COL11A2: variants seen among roughly 807,000 people sequenced by gnomAD.
COL11A2 encodes the protein collagen alpha-2(XI) chain.
Under a neutral mutation model 273.4 loss-of-function variants are expected in COL11A2, and 116 were observed. That is an observed-to-expected ratio of 0.42 (90% CI 0.36 to 0.49). The LOEUF (loss-of-function observed/expected upper bound fraction) is 0.49. COL11A2 is among the 20% of genes least tolerant of loss of function. The pLI is 0.00. For missense variants in COL11A2, 1,866 were observed against 2,309.0 expected, an observed-to-expected ratio of 0.81 and a Z score of 3.93; for synonymous variants, 782 against 864.2, an observed-to-expected ratio of 0.90 and a Z score of 1.67.
Position 33,170,980 on chromosome 6 carries a change from TA to T in COL11A2, c.3367-64del. On this transcript the variant is annotated intron_variant, in intron 45 of 65. Transcript: ENST00000341947. The surrounding 1 kb of genome is among the most constrained non-coding windows in gnomAD (Gnocchi z 4.3). ...GATGGGTCATGGGTCAGGTGTTCTC[TA>T]TCCACAAATACCACACACAGCTGGG... 1 of 1,587,622 alleles carries T rather than the reference TA, an allele frequency of 6.3e-7. No individual in the cohort carries two copies. The highest frequency in any genetic ancestry group is 8.6e-7 in the Non-Finnish European group (1 of 1,157,712).
chr6:33,165,024 T>C lies in COL11A2; in HGVS notation c.4751-60A>G. On this transcript the variant is annotated intron_variant, in intron 63 of 65. Transcript: ENST00000341947. This position sits in a 1 kb window ranked among gnomAD's most constrained non-coding sequence, Gnocchi z 7.7. ...CTAGGTCCAGGCTCCAAGATGCTCT[T>C]TGCCCCCACATTCCCTCTTCCCTCC... 1 of 1,316,258 alleles carries C rather than the reference T, an allele frequency of 7.6e-7. No individual in the cohort carries two copies. The highest frequency in any genetic ancestry group is 2.5e-5 in the East Asian group (1 of 39,684). 81.5% of individuals were successfully genotyped at this position (1,316,258 alleles called of 1,614,324 possible).
At chr6:33,182,625 C>T (rs1252764294) in intron 8 of COL11A2, among the ~76,000 whole-genome samples, 2 of 151,114 alleles carry the variant, frequency 1.3e-5, no homozygotes, top group Non-Finnish European at 3.0e-5. Context: ...GCAGGAGGAT[C>T]GCTTGAACCC....
In COL11A2 at chr6:33,164,215, C is replaced by T. The variant is rs972795208; in HGVS notation, c.5070+52G>A. 9.4e-6 allele frequency: 15 copies of T among 1,601,948 alleles called. No homozygotes were observed. Among genetic ancestry groups the T allele is most frequent in the Admixed American group, 1.7e-5 (1 of 59,342 alleles). On this transcript the variant is annotated intron_variant, in intron 65 of 65. Coordinates refer to ENST00000341947, the MANE Select transcript of COL11A2 (RefSeq NM_080680.3). The surrounding 1 kb of genome is among the most constrained non-coding windows in gnomAD (Gnocchi z 4.7). ...GCCCAAGGGGTCTTCCCACCTCCTTCCTCCAGCCTGAGTCTGAGATCAGCC... is the reference window on the plus strand; with the variant it reads ...GCCCAAGGGGTCTTCCCACCTCCTTTCTCCAGCCTGAGTCTGAGATCAGCC...
rs1163896756 is a variant in COL11A2, at chr6:33,176,911, G to A, written c.2070+81C>T. 6 of 1,535,576 alleles carry A rather than the reference G, an allele frequency of 3.9e-6. No homozygotes were observed. Among genetic ancestry groups the A allele is most frequent in the Non-Finnish European group, 5.3e-6 (6 of 1,123,748 alleles). On this transcript the variant is annotated intron_variant, in intron 25 of 65. Coordinates refer to ENST00000341947, the MANE Select transcript of COL11A2 (RefSeq NM_080680.3). The surrounding 1 kb of genome is among the most constrained non-coding windows in gnomAD (Gnocchi z 4.9). Reference sequence around the variant, plus strand: ...CACCACCAGTGACCTTTCAGTGCAAGGGTCACTAAAGGAGCTCTGAGGTCA... The same window carrying A: ...CACCACCAGTGACCTTTCAGTGCAAAGGTCACTAAAGGAGCTCTGAGGTCA...
Position 33,165,636 on chromosome 6 carries a change from C to T in COL11A2, c.4663G>A (p.Glu1555Lys), listed in dbSNP as rs772829153. 9 of 1,613,062 alleles carry T rather than the reference C, an allele frequency of 5.6e-6. No individual in the cohort carries two copies. Among genetic ancestry groups the T allele is most frequent in the Non-Finnish European group, 6.8e-6 (8 of 1,180,000 alleles). Residue 1555 changes from glutamate to lysine, a missense_variant, in exon 63 of 66, where the codon GAG becomes AAG. Physicochemically the swap from Glu to Lys is moderately conservative, Grantham distance 56. Coordinates refer to ENST00000341947, the MANE Select transcript of COL11A2 (RefSeq NM_080680.3). The surrounding 1 kb of genome is among the most constrained non-coding windows in gnomAD (Gnocchi z 7.7). ...GSLDSLREEIEQMRRPTGTQD... is the reference protein window; with the variant it reads ...GSLDSLREEIKQMRRPTGTQD... ...GTCCCTGTTGGCCGCCTCATCTGCT[C>T]GATCTCCTCCCGCAGGGAGTCGAGT...
chr6:33,174,580 C>T lies in COL11A2; in HGVS notation c.2377G>A (p.Gly793Ser). ...PGPPGLMGEK[G>S]KLGVPGLPGY... ...GGCAGACCAGGAACACCCAGCTTGC[C>T]CTGTGGAGGGACAGGAAGCAGTTAG... Residue 793 changes from glycine (G) to serine (S), a missense_variant and splice_region_variant, in exon 31 of 66, where the codon GGC (glycine) becomes AGC (serine). By Grantham distance (56) the Gly-to-Ser change is moderately conservative. Coordinates refer to ENST00000341947, the MANE Select transcript of COL11A2 (RefSeq NM_080680.3). The T allele has an allele frequency of 1.9e-6, 3 of 1,612,128 alleles. No homozygotes were observed. Among genetic ancestry groups the T allele is most frequent in the South Asian group, 1.1e-5 (1 of 90,946 alleles).
chr6:33,179,676 GC>G lies in COL11A2; in HGVS notation c.1446+42del. 3 of 1,602,300 alleles carry G rather than the reference GC, an allele frequency of 1.9e-6. No homozygotes were observed. Reference sequence around the variant, plus strand: ...ACTCACTCCAGCCAACCCTTCCAGTGCCCCCCAGAGCCTTCCCTTTCCAGGG... The same window carrying G: ...ACTCACTCCAGCCAACCCTTCCAGTGCCCCCAGAGCCTTCCCTTTCCAGGG... On this transcript the variant is annotated intron_variant, in intron 13 of 65. Coordinates refer to ENST00000341947, the MANE Select transcript of COL11A2 (RefSeq NM_080680.3). This position sits in a 1 kb window ranked among gnomAD's most constrained non-coding sequence, Gnocchi z 6.4.
In COL11A2 at chr6:33,166,141, C is replaced by G; in HGVS notation, c.4428+30G>C. Reference sequence around the variant, plus strand: ...ATCATCAAGTCCAGAGGGGGTGGAGCAAAGGTCAGAGCTGAAGGGGGTCAC... The same window carrying G: ...ATCATCAAGTCCAGAGGGGGTGGAGGAAAGGTCAGAGCTGAAGGGGGTCAC... On this transcript the variant is annotated intron_variant, in intron 61 of 65. Coordinates refer to ENST00000341947, the MANE Select transcript of COL11A2 (RefSeq NM_080680.3). This position sits in a 1 kb window ranked among gnomAD's most constrained non-coding sequence, Gnocchi z 4.8. The G allele has an allele frequency of 6.2e-7, 1 of 1,608,094 alleles. No individual in the cohort carries two copies. The highest frequency in any genetic ancestry group is 1.3e-5 in the African/African-American group (1 of 74,952).
At chr6:33,186,589 G>A (rs200989046) in intron 5 of COL11A2, 38 bp downstream of exon 5, 1 of 1,614,020 alleles carries the variant, frequency 6.2e-7, no homozygotes, top group Non-Finnish European at 8.5e-7. Flanking sequence ...TCCCTCTCTG[G>A]GGTGTGCTGC....
chr6:33,164,351 A>T lies in COL11A2; in HGVS notation c.4986T>A (p.Gly1662=). Residue 1662 remains glycine (G), a synonymous_variant, in exon 65 of 66, where the codon GGT becomes GGA. Transcript: ENST00000341947. The surrounding 1 kb of genome is among the most constrained non-coding windows in gnomAD (Gnocchi z 4.7). ...SYPCSGAARD[G]PLRLRGANED... ...CATTGGCCCCACGGAGTCTCAGGGG[A>T]CCGTCACGGGCTGCTCCAGAGCAGG... is the stretch of plus-strand genomic sequence containing the variant. 1 of 1,612,776 alleles carries T rather than the reference A, an allele frequency of 6.2e-7. No homozygotes were observed. The highest frequency in any genetic ancestry group is 8.5e-7 in the Non-Finnish European group (1 of 1,179,928).
intron 41 of COL11A2, 111 bp downstream of exon 41, chr6:33,171,939 C>A: frequency 6.5e-7 from 1 of 1,534,358 alleles, no homozygotes; most frequent in Non-Finnish European, 9.0e-7. Flanking sequence ...TGTCCCTGGA[C>A]AGCCTCTGCC....
Position 33,177,119 on chromosome 6 carries a change from T to A in COL11A2, c.2016+62A>T. ...ACACAGACAAAATCCCAGCAGACATTTAGGGTTCTCCCTACATCCCCACTC... is the reference window on the plus strand; with the variant it reads ...ACACAGACAAAATCCCAGCAGACATATAGGGTTCTCCCTACATCCCCACTC... On this transcript the variant is annotated intron_variant, in intron 24 of 65. Coordinates refer to ENST00000341947, the MANE Select transcript of COL11A2 (RefSeq NM_080680.3). The surrounding 1 kb of genome is among the most constrained non-coding windows in gnomAD (Gnocchi z 5.9). 1.2e-6 allele frequency: 2 copies of A among 1,612,330 alleles called. No homozygotes were observed. Among genetic ancestry groups the A allele is most frequent in the Non-Finnish European group, 1.7e-6 (2 of 1,179,582 alleles).
At chr6:33,172,208 AG>A in intron 40 of COL11A2, 80 bp downstream of exon 40, 3 of 1,266,464 alleles carry the variant, frequency 2.4e-6, no homozygotes, top group East Asian at 2.5e-5. Flanking sequence ...AGTGACATGG[AG>A]GGGGTCAGGG....
chr6:33,179,391 CAATT>C lies in COL11A2; in HGVS notation c.1503+36_1503+39del. The C allele has an allele frequency of 6.4e-7, 1 of 1,567,620 alleles. No homozygotes were observed. Among genetic ancestry groups the C allele is most frequent in the Non-Finnish European group, 8.6e-7 (1 of 1,156,374 alleles). ...TCCAGAACTATCCACACCCCACACA[CAATT>C]AAAGCATCCTCCACCCGAGCACCCT... On this transcript the variant is annotated intron_variant, in intron 14 of 65. Transcript: ENST00000341947. This position sits in a 1 kb window ranked among gnomAD's most constrained non-coding sequence, Gnocchi z 6.4.
In COL11A2 at chr6:33,181,089, C is replaced by T. The variant is rs372240259; in HGVS notation, c.1179+22G>A. On this transcript the variant is annotated intron_variant, in intron 9 of 65. Transcript: ENST00000341947. The stretch of plus-strand genomic sequence containing the variant: ...GCTTCTCCTATTTCCACTGCCTCAG[C>T]CCTGTGACCAGCATAACTTACAGGT... 249 of 1,614,032 alleles carry T rather than the reference C, an allele frequency of 1.5e-4. 1 individual carries two copies. Among genetic ancestry groups the T allele is most frequent in the Non-Finnish European group, 1.9e-4 (223 of 1,180,014 alleles).
At position 33,173,710 on chromosome 6, in the gene COL11A2, A is replaced by AG; in HGVS notation, c.2618dup (p.Gly874TrpfsTer95). On this transcript the variant is annotated frameshift_variant, in exon 35 of 66. Coordinates refer to ENST00000341947, the MANE Select transcript of COL11A2 (RefSeq NM_080680.3). LOFTEE classifies it high-confidence loss of function. The surrounding 1 kb of genome is among the most constrained non-coding windows in gnomAD (Gnocchi z 6.3). ...TTCGATCCACACTCACCCTCTCTCC[A>AG]GGGGGCCCATGGGGGCCATCACCAC... The AG allele has an allele frequency of 6.4e-7, 1 of 1,574,124 alleles. No individual in the cohort carries two copies. The highest frequency in any genetic ancestry group is 8.6e-7 in the Non-Finnish European group (1 of 1,158,792).
Position 33,180,944 on chromosome 6 carries a change from C to G in COL11A2, c.1221+20G>C, listed in dbSNP as rs774011538. On this transcript the variant is annotated intron_variant, in intron 10 of 65. Coordinates refer to ENST00000341947, the MANE Select transcript of COL11A2 (RefSeq NM_080680.3). Reference sequence around the variant, plus strand: ...GGGTTTCTAAGAAAAGAATGGCCACCAGGTCACTGCTAGACTTACCGCAGG... The same window carrying G: ...GGGTTTCTAAGAAAAGAATGGCCACGAGGTCACTGCTAGACTTACCGCAGG... 8.7e-6 allele frequency: 14 copies of G among 1,613,710 alleles called. No homozygotes were observed. Among genetic ancestry groups the G allele is most frequent in the Middle Eastern group, 1.7e-4 (1 of 6,038 alleles).
At position 33,178,354 on chromosome 6, in the gene COL11A2, TGGA is replaced by T. The variant is rs761250821; in HGVS notation, c.1774-5_1774-3del. ...AGGCCCAATCTCCCCGTCATCTCCCTGGAGGAGGAGGACACGGTAAAGCTGCTG... is the reference window on the plus strand; with the variant it reads ...AGGCCCAATCTCCCCGTCATCTCCCTGGAGGAGGACACGGTAAAGCTGCTG... On this transcript the variant is annotated splice_region_variant and splice_polypyrimidine_tract_variant and intron_variant, in intron 19 of 65. Transcript: ENST00000341947. The surrounding 1 kb of genome is among the most constrained non-coding windows in gnomAD (Gnocchi z 4.6). 8 of 1,612,530 alleles carry T rather than the reference TGGA, an allele frequency of 5.0e-6. No individual in the cohort carries two copies. Among genetic ancestry groups the T allele is most frequent in the African/African-American group, 1.3e-5 (1 of 74,762 alleles).
Position 33,169,628 on chromosome 6 carries a change from A to G in COL11A2, c.3691-138T>C. The G allele has an allele frequency of 2.8e-6, 3 of 1,061,750 alleles. No individual in the cohort carries two copies. The South Asian group carries it at 3.9e-5, about 14-fold the overall frequency. The allele number at this position is 1,061,750 out of a possible 1,614,324, so 65.8% of individuals were successfully genotyped here. On this transcript the variant is annotated intron_variant, in intron 50 of 65. Coordinates refer to ENST00000341947, the MANE Select transcript of COL11A2 (RefSeq NM_080680.3). The surrounding 1 kb of genome is among the most constrained non-coding windows in gnomAD (Gnocchi z 5.5). ...ACATACACAGAAAGTCAAGCCTACA[A>G]GGGGAGTTCCCTAGTCCCCTTCCCT...
Sources: gnomAD v4.1 joint callset for allele counts (sites outside exome capture counted in the v4.1 genomes callset) on GRCh38, gnomAD v4.1.1 for gene constraint, Gnocchi (gnomAD v3.1) non-coding constraint, MANE v1.5 for transcripts, NCBI Gene and HGNC (gene_info 2026-07-23, HGNC 2026-07-21) for gene names.